Variants in ENOX1 observed in about 807,000 individuals in gnomAD.
ENOX1 encodes ecto-NOX disulfide-thiol exchanger 1, also known as candidate growth-related and time keeping constitutive hydroquinone (NADH) oxidase.
Under a neutral mutation model 82.5 loss-of-function variants are expected in ENOX1, and 42 were observed. The observed-to-expected ratio is 0.51, with a 90% confidence interval of 0.40 to 0.66. The LOEUF is 0.66. Among genes scored for constraint, ENOX1 ranks in the 30% least tolerant of loss-of-function variants. The pLI, the probability that ENOX1 is intolerant of heterozygous loss-of-function variation, is 0.00. For synonymous variants in ENOX1, 271 were observed against 282.2 expected (o/e 0.96, Z 0.40); for missense variants, 608 against 811.6 (o/e 0.75, Z 3.05).
intron 2 of ENOX1, among the ~76,000 whole-genome samples, chr13:43,593,307 T>G (rs1288600262): frequency 6.6e-6 from 1 of 152,086 alleles, no homozygotes; most frequent in African/African-American, 2.4e-5. Context: ...AATGATCCCA[T>G]AGCCTACATC....
intron 11 of ENOX1, among the ~76,000 whole-genome samples, chr13:43,310,064 G>A (rs951615401): frequency 5.9e-5 from 9 of 151,946 alleles, no homozygotes; most frequent in Non-Finnish European, 8.8e-5. Context: ...TTAGCCAGGC[G>A]TGGTGGCACA....
chr13:43,581,325 G>C (rs889356229), intron 2 of ENOX1, among the ~76,000 whole-genome samples: 1 of 150,828 alleles, frequency 6.6e-6, no homozygotes, highest in Non-Finnish European at 1.5e-5. Context: ...GTAGAGACGG[G>C]GTTTCACCGT....
At chr13:43,692,194 C>T (rs1230232873) in intron 1 of ENOX1, among the ~76,000 whole-genome samples, 1 of 152,068 alleles carries the variant, frequency 6.6e-6, no homozygotes, top group Non-Finnish European at 1.5e-5. Context: ...GGAAAAGCCA[C>T]GGATTCTGAA....
chr13:43,259,379 G>GAGAAACATATGGAGC (rs2043927974), intron 14 of ENOX1, among the ~76,000 whole-genome samples: 1 of 152,220 alleles, frequency 6.6e-6, no homozygotes, highest in Non-Finnish European at 1.5e-5. Context: ...AGGCTGGAAG[G>GAGAAACATATGGAGC]AGAAACATAT....
At chr13:43,759,216 C>G (rs1950827342) in intron 1 of ENOX1, among the ~76,000 whole-genome samples, 1 of 150,714 alleles carries the variant, frequency 6.6e-6, no homozygotes, top group South Asian at 2.1e-4. Flanking sequence ...CCTGCCTGAG[C>G]CTCCTAAATA....
intron 5 of ENOX1, among the ~76,000 whole-genome samples, chr13:43,371,960 C>T (rs778311279): frequency 1.7e-4 from 26 of 152,046 alleles, no homozygotes; most frequent in Non-Finnish European, 3.1e-4. Flanking sequence ...GCAAGGAGAA[C>T]GGGTAACATA....
chr13:43,541,887 T>C (rs565124493), intron 2 of ENOX1, among the ~76,000 whole-genome samples: 1 of 152,322 alleles, frequency 6.6e-6, no homozygotes, highest in South Asian at 2.1e-4. Flanking sequence ...AATGGAATCA[T>C]AAGACTGTTG....
chr13:43,278,916 A>C (rs2045220337), intron 12 of ENOX1, among the ~76,000 whole-genome samples: 1 of 152,214 alleles, frequency 6.6e-6, no homozygotes, highest in South Asian at 2.1e-4. Context: ...GGCCATTATT[A>C]TTCATTCCAT....
chr13:43,309,400 C>T (rs886902336), intron 11 of ENOX1, among the ~76,000 whole-genome samples: 2 of 152,144 alleles, frequency 1.3e-5, no homozygotes, highest in Non-Finnish European at 2.9e-5. Flanking sequence ...ATAGAGGTCC[C>T]TTTCTCAGAG....
chr13:43,655,961 G>A (rs1234647508), intron 2 of ENOX1, among the ~76,000 whole-genome samples: 1 of 152,168 alleles, frequency 6.6e-6, no homozygotes, highest in Non-Finnish European at 1.5e-5. Context: ...GGGGCAAAAC[G>A]GTAGTAACAA....
At chr13:43,604,024 T>C (rs998797561) in intron 2 of ENOX1, among the ~76,000 whole-genome samples, 35 of 148,880 alleles carry the variant, frequency 2.4e-4, no homozygotes, top group African/African-American at 8.6e-4. Flanking sequence ...AGTGTTCCTA[T>C]TTCTCCACAT....
intron 2 of ENOX1, among the ~76,000 whole-genome samples, chr13:43,590,066 T>C (rs964401672): frequency 3.9e-5 from 6 of 152,090 alleles, no homozygotes; most frequent in Non-Finnish European, 8.8e-5. Context: ...TTAATTGACA[T>C]AGAACAGAAA....
chr13:43,645,206 C>T (rs2083838093), intron 2 of ENOX1, among the ~76,000 whole-genome samples: 1 of 152,152 alleles, frequency 6.6e-6, no homozygotes, highest in African/African-American at 2.4e-5. Context: ...CCAGGCTAGA[C>T]TAGCACGGTG....
At chr13:43,306,429 T>C (rs189399863) in intron 11 of ENOX1, among the ~76,000 whole-genome samples, 19 of 152,362 alleles carry the variant, frequency 1.2e-4, no homozygotes, top group African/African-American at 4.3e-4. Context: ...AAAAATCTTC[T>C]AAAGGCTTTA....
intron 1 of ENOX1, among the ~76,000 whole-genome samples, chr13:43,730,124 T>C (rs947533756): frequency 6.6e-6 from 1 of 152,198 alleles, no homozygotes; most frequent in South Asian, 2.1e-4. Flanking sequence ...TCTTCTACTC[T>C]CACAATTTTT....
intron 1 of ENOX1, among the ~76,000 whole-genome samples, chr13:43,697,628 C>T (rs1216725968): frequency 1.3e-5 from 2 of 152,172 alleles, no homozygotes; most frequent in Non-Finnish European, 2.9e-5. Flanking sequence ...AAGGACAGAA[C>T]TCAGCCTCTC....
At chr13:43,761,033 C>T (rs905693383) in intron 1 of ENOX1, among the ~76,000 whole-genome samples, 2 of 151,910 alleles carry the variant, frequency 1.3e-5, no homozygotes, top group Admixed American at 1.3e-4. Flanking sequence ...AAGGCAAGTA[C>T]AATTATTATT....
intron 12 of ENOX1, among the ~76,000 whole-genome samples, chr13:43,293,249 T>C (rs775979151): frequency 9.9e-5 from 15 of 151,956 alleles, no homozygotes; most frequent in Non-Finnish European, 2.1e-4. Flanking sequence ...ACAGTCACCG[T>C]CACTACCACA....
intron 2 of ENOX1, among the ~76,000 whole-genome samples, chr13:43,538,133 T>C (rs2078546454): frequency 6.6e-6 from 1 of 152,248 alleles, no homozygotes; most frequent in Non-Finnish European, 1.5e-5. Flanking sequence ...CTAGCCCTCC[T>C]GCCAGGTGTG....
Sources: gnomAD v4.1 joint callset for allele counts (sites outside exome capture counted in the v4.1 genomes callset) on GRCh38, gnomAD v4.1.1 for gene constraint, MANE v1.5 for transcripts, NCBI Gene and HGNC (gene_info 2026-07-23, HGNC 2026-07-21) for gene names.